The following VAV3 variants were observed in gnomAD, a reference collection of about 807,000 sequenced individuals.
VAV3 encodes the protein vav guanine nucleotide exchange factor 3.
Under a neutral mutation model 131.2 loss-of-function variants are expected in VAV3, and 94 were observed. That is an observed-to-expected ratio of 0.72 (90% CI 0.61 to 0.85). The LOEUF is 0.85. VAV3 is among the 40% of genes least tolerant of loss of function. The pLI, the probability that VAV3 is intolerant of heterozygous loss-of-function variation, is 0.00. For missense variants in VAV3, 939 were observed against 1,002.7 expected, an observed-to-expected ratio of 0.94 and a Z score of 0.86; for synonymous variants, 349 against 342.0, an observed-to-expected ratio of 1.02 and a Z score of -0.22.
At chr1:107,709,445 T>C (rs1209867547) in intron 15 of VAV3, among the ~76,000 whole-genome samples, 1 of 152,172 alleles carries the variant, frequency 6.6e-6, no homozygotes, top group African/African-American at 2.4e-5. Flanking sequence ...CAAAAAAAAT[T>C]ACCTCTTATG....
At chr1:107,646,939 G>A (rs2101544596) in intron 19 of VAV3, among the ~76,000 whole-genome samples, 1 of 151,940 alleles carries the variant, frequency 6.6e-6, no homozygotes, top group East Asian at 1.9e-4. Flanking sequence ...GTACCGCTAA[G>A]AGTGACACAC....
intron 19 of VAV3, among the ~76,000 whole-genome samples, chr1:107,671,064 A>T (rs1657754510): frequency 6.6e-6 from 1 of 152,204 alleles, no homozygotes; most frequent in African/African-American, 2.4e-5. Context: ...TCTGGGAGTG[A>T]AAAGCTATAA....
chr1:107,704,648 C>G lies in VAV3; in HGVS notation c.1607G>C (p.Gly536Ala). The G allele has an allele frequency of 5.0e-6, 8 of 1,611,460 alleles. No individual in the cohort carries two copies. The highest frequency in any genetic ancestry group is 6.8e-6 in the Non-Finnish European group (8 of 1,178,294). ...ACATAAATAGCCTTGATAAAATGTT[C>G]CCCTGAAAGGTGAAATAAGAAAGTG... ...SCKVCQMLLR[G>A]TFYQGYLCFK... is the part of the protein sequence containing the mutation. The change falls in exon 17 of 27, where the codon GGA (glycine) becomes GCA (alanine). Residue 536 changes from glycine to alanine, a missense_variant and splice_region_variant. Coordinates refer to ENST00000370056, the MANE Select transcript of VAV3 (RefSeq NM_006113.5).
chr1:107,962,457 A>G (rs1016492797), intron 1 of VAV3, among the ~76,000 whole-genome samples: 7 of 152,270 alleles, frequency 4.6e-5, no homozygotes, highest in African/African-American at 1.4e-4. Flanking sequence ...TAATTTTGCT[A>G]ATAGTAAACA....
chr1:107,860,898 CT>C (rs1170391490), intron 2 of VAV3, among the ~76,000 whole-genome samples: 2 of 151,634 alleles, frequency 1.3e-5, no homozygotes, highest in Non-Finnish European at 2.9e-5. Context: ...GAAGAAAAGA[CT>C]TACAGAAACA....
intron 15 of VAV3, among the ~76,000 whole-genome samples, chr1:107,720,770 G>A (rs1056055147): frequency 6.6e-6 from 1 of 152,186 alleles, no homozygotes; most frequent in Non-Finnish European, 1.5e-5. Flanking sequence ...CTGCCATAAA[G>A]TTGAAGAGAC....
At chr1:107,858,443 C>T (rs1231378596) in intron 2 of VAV3, among the ~76,000 whole-genome samples, 1 of 152,100 alleles carries the variant, frequency 6.6e-6, no homozygotes, top group Non-Finnish European at 1.5e-5. Context: ...AGGAGTGAAA[C>T]TTCTAGAACA....
intron 1 of VAV3, among the ~76,000 whole-genome samples, chr1:107,911,002 GA>G (rs528440978): frequency 4.1e-5 from 6 of 146,184 alleles, no homozygotes; most frequent in East Asian, 2.0e-4. Context: ...AAAAAAAAAA[GA>G]AAAAAAAAGC....
At chr1:107,608,845 G>A (rs910278128) in intron 22 of VAV3, among the ~76,000 whole-genome samples, 1 of 151,968 alleles carries the variant, frequency 6.6e-6, no homozygotes, top group Non-Finnish European at 1.5e-5. Context: ...TATATTCCCA[G>A]GATATTATAT....
intron 1 of VAV3, among the ~76,000 whole-genome samples, chr1:107,908,578 T>C (rs968253551): frequency 1.3e-5 from 2 of 152,158 alleles, no homozygotes; most frequent in African/African-American, 4.8e-5. Flanking sequence ...ATTTGTAACA[T>C]GAGAGGAGGT....
chr1:107,877,425 C>T (rs1351931302), intron 1 of VAV3, among the ~76,000 whole-genome samples: 1 of 152,148 alleles, frequency 6.6e-6, no homozygotes. Flanking sequence ...CTCAAACTTT[C>T]CCCACCTGTA....
At chr1:107,674,276 T>C (rs1013881198) in intron 19 of VAV3, among the ~76,000 whole-genome samples, 1 of 152,224 alleles carries the variant, frequency 6.6e-6, no homozygotes, top group African/African-American at 2.4e-5. Context: ...CGTGTTTCAG[T>C]GCCAGTGTCT....
intron 24 of VAV3, among the ~76,000 whole-genome samples, chr1:107,598,679 G>C (rs1328078864): frequency 6.6e-6 from 1 of 152,134 alleles, no homozygotes; most frequent in Admixed American, 6.5e-5. Context: ...ATATGCATTT[G>C]TATTTTGGTG....
At chr1:107,813,990 G>C (rs944299204) in intron 2 of VAV3, among the ~76,000 whole-genome samples, 14 of 151,130 alleles carry the variant, frequency 9.3e-5, no homozygotes, top group African/African-American at 3.4e-4. Context: ...GTGTGTGTGT[G>C]TGTGTGTGTG....
intron 2 of VAV3, among the ~76,000 whole-genome samples, chr1:107,852,915 ACAC>A (rs1669292338): frequency 6.6e-6 from 1 of 152,140 alleles, no homozygotes. Context: ...CCAACATTTC[ACAC>A]CACCTTTATC....
At chr1:107,919,680 C>T (rs6657829) in intron 1 of VAV3, among the ~76,000 whole-genome samples, 29,335 of 151,900 alleles carry the variant, frequency 0.19, 3,318 homozygotes, top group East Asian at 0.36. Flanking sequence ...TATTTTATTA[C>T]AGTTATACAG....
At chr1:107,819,038 T>A (rs927785499) in intron 2 of VAV3, among the ~76,000 whole-genome samples, 1 of 152,190 alleles carries the variant, frequency 6.6e-6, no homozygotes, top group African/African-American at 2.4e-5. Context: ...ATATTAGTGA[T>A]CCCTGTTTTT....
intron 2 of VAV3, among the ~76,000 whole-genome samples, chr1:107,796,790 TAAAA>T (rs796941492): frequency 1.5e-5 from 2 of 132,250 alleles, no homozygotes; most frequent in Admixed American, 7.6e-5. Flanking sequence ...CTGTTATTTG[TAAAA>T]AAAAAAAAAA....
intron 1 of VAV3, among the ~76,000 whole-genome samples, chr1:107,879,280 C>T (rs1466026412): frequency 1.3e-5 from 2 of 152,142 alleles, no homozygotes; most frequent in African/African-American, 4.8e-5. Flanking sequence ...TCCTAGAATA[C>T]AAGAGCCAAT....
Sources: allele counts gnomAD v4.1 joint callset (sites outside exome capture counted in the v4.1 genomes callset), GRCh38; gene constraint gnomAD v4.1.1; transcripts MANE v1.5; gene names NCBI Gene and HGNC (gene_info 2026-07-23, HGNC 2026-07-21).